TMEM132B: variants seen among roughly 807,000 people sequenced by gnomAD.
TMEM132B encodes transmembrane protein 132B.
A neutral mutation model predicts 90.8 loss-of-function variants in TMEM132B; 18 were observed. The ratio of observed to expected loss-of-function variants is 0.20; its 90% CI spans 0.14 to 0.29. The LOEUF is 0.29. Ranked by LOEUF, TMEM132B falls within the 10% of genes least tolerant of loss-of-function variation. The pLI is 1.00. For synonymous variants in TMEM132B, 504 were observed against 523.3 expected (o/e 0.96, Z 0.50); for missense variants, 1,096 against 1,326.8 (o/e 0.83, Z 2.70).
At chr12:125,625,354 C>CT (rs1213616083) in intron 5 of TMEM132B, among the ~76,000 whole-genome samples, 1 of 152,034 alleles carries the variant, frequency 6.6e-6, no homozygotes, top group African/African-American at 2.4e-5. Flanking sequence ...AGGATGGTCT[C>CT]TATCTCGTGA....
chr12:125,524,917 G>A (rs1376269038), intron 4 of TMEM132B, among the ~76,000 whole-genome samples: 2 of 152,204 alleles, frequency 1.3e-5, no homozygotes, highest in African/African-American at 4.8e-5. Context: ...TGTTTGAGAG[G>A]GTCAGGGAAG....
chr12:125,385,043 A>G (rs1426706217), intron 2 of TMEM132B, among the ~76,000 whole-genome samples: 2 of 152,156 alleles, frequency 1.3e-5, no homozygotes, highest in African/African-American at 4.8e-5. Flanking sequence ...TACTTCTATG[A>G]ATTCAACTTT....
chr12:125,586,895 A>G (rs1345059092), intron 5 of TMEM132B: 1 of 152,256 alleles, frequency 6.6e-6, no homozygotes, highest in African/African-American at 2.4e-5. Flanking sequence ...ACTAAGATCT[A>G]CAGTCAGAGC....
chr12:125,429,357 G>A (rs423005), intron 3 of TMEM132B, among the ~76,000 whole-genome samples: 112,105 of 151,500 alleles, frequency 0.74, 43,196 homozygotes, highest in East Asian at 0.97. Flanking sequence ...GCACCACCAT[G>A]CCTAGATAAT....
intron 1 of TMEM132B, among the ~76,000 whole-genome samples, chr12:125,326,132 C>T (rs984399021): frequency 2.0e-4 from 30 of 152,208 alleles, no homozygotes; most frequent in African/African-American, 7.0e-4. Context: ...TCTCTCTCTC[C>T]CTTAATGGCC....
intron 1 of TMEM132B, among the ~76,000 whole-genome samples, chr12:125,279,604 T>C (rs1379759391): frequency 6.6e-6 from 1 of 152,214 alleles, no homozygotes; most frequent in Non-Finnish European, 1.5e-5. Flanking sequence ...GTGACCCTCA[T>C]GGGAGGAAGA....
At chr12:125,187,549 C>T (rs908488527) in intron 1 of TMEM132B, among the ~76,000 whole-genome samples, 5 of 152,212 alleles carry the variant, frequency 3.3e-5, no homozygotes, top group African/African-American at 7.2e-5. Context: ...CAGGACGCGC[C>T]GGGGAGCCTG....
chr12:125,192,689 G>A (rs1190092654), intron 1 of TMEM132B, among the ~76,000 whole-genome samples: 1 of 152,198 alleles, frequency 6.6e-6, no homozygotes, highest in Admixed American at 6.5e-5. Context: ...GGGAGCCCCG[G>A]CCTGCTTCGG....
intron 5 of TMEM132B, among the ~76,000 whole-genome samples, chr12:125,590,772 A>T (rs994370562): frequency 6.6e-6 from 1 of 152,242 alleles, no homozygotes; most frequent in Non-Finnish European, 1.5e-5. Flanking sequence ...CATTATAATA[A>T]GAGCATTAGA....
At chr12:125,333,535 T>A (rs1876860718) in intron 1 of TMEM132B, among the ~76,000 whole-genome samples, 1 of 152,170 alleles carries the variant, frequency 6.6e-6, no homozygotes, top group South Asian at 2.1e-4. Flanking sequence ...CTCCTCAGTG[T>A]TGGGCTCATT....
chr12:125,428,718 G>T (rs1308384949), intron 3 of TMEM132B, among the ~76,000 whole-genome samples: 2 of 152,146 alleles, frequency 1.3e-5, no homozygotes, highest in Non-Finnish European at 1.5e-5. Flanking sequence ...CCCAGTTATT[G>T]TTCTCTTTTT....
chr12:125,365,441 G>A (rs907041858), intron 2 of TMEM132B, among the ~76,000 whole-genome samples: 1 of 151,958 alleles, frequency 6.6e-6, no homozygotes, highest in African/African-American at 2.4e-5. Context: ...AAAGACATTA[G>A]GAAGAAAAAG....
intron 1 of TMEM132B, among the ~76,000 whole-genome samples, chr12:125,274,629 A>T (rs1319944179): frequency 6.6e-6 from 1 of 152,162 alleles, no homozygotes; most frequent in African/African-American, 2.4e-5. Context: ...TTGGGGAAGA[A>T]CCCCAAAGAG....
At chr12:125,506,565 A>C (rs570143255) in intron 3 of TMEM132B, among the ~76,000 whole-genome samples, 1 of 152,358 alleles carries the variant, frequency 6.6e-6, no homozygotes, top group Non-Finnish European at 1.5e-5. Context: ...AAAAGTAAAA[A>C]AAAATTATAT....
At chr12:125,509,471 A>G (rs111279407) in intron 3 of TMEM132B, among the ~76,000 whole-genome samples, 1,810 of 152,238 alleles carry the variant, frequency 0.012, 13 homozygotes, top group Middle Eastern at 0.034. Flanking sequence ...TTCCCTTTGG[A>G]CTGGAGATCA....
chr12:125,564,658 C>G (rs767265506), intron 4 of TMEM132B, among the ~76,000 whole-genome samples: 10 of 152,182 alleles, frequency 6.6e-5, no homozygotes, highest in Non-Finnish European at 1.3e-4. Flanking sequence ...GGATGTGCCT[C>G]TTGTTTTTTC....
intron 3 of TMEM132B, among the ~76,000 whole-genome samples, chr12:125,507,770 G>A (rs188725825): frequency 4.5e-4 from 69 of 152,310 alleles, no homozygotes; most frequent in Admixed American, 2.0e-3. Context: ...CCTTTTATGT[G>A]ACTGAGATGA....
intron 2 of TMEM132B, among the ~76,000 whole-genome samples, chr12:125,403,030 A>G (rs539524997): frequency 1.6e-4 from 25 of 152,322 alleles, no homozygotes; most frequent in Admixed American, 7.8e-4. Flanking sequence ...TGTTTTAAAC[A>G]TAGCCCAAAT....
chr12:125,299,038 C>T (rs2136158291), intron 1 of TMEM132B, among the ~76,000 whole-genome samples: 1 of 152,202 alleles, frequency 6.6e-6, no homozygotes, highest in East Asian at 1.9e-4. Flanking sequence ...CGGCCCATCA[C>T]TTGTTTTTTA....
Sources: gnomAD v4.1 joint callset for allele counts (sites outside exome capture counted in the v4.1 genomes callset) on GRCh38, gnomAD v4.1.1 for gene constraint, MANE v1.5 for transcripts, NCBI Gene and HGNC (gene_info 2026-07-23, HGNC 2026-07-21) for gene names.